COL4A2: variants seen among roughly 807,000 people sequenced by gnomAD.
COL4A2 encodes the protein collagen alpha-2(IV) chain.
Under a neutral mutation model 200.2 loss-of-function variants are expected in COL4A2, and 99 were observed. That is an observed-to-expected ratio of 0.49 (90% CI 0.42 to 0.58). COL4A2 has a LOEUF of 0.58. Ranked by LOEUF, COL4A2 falls within the 20% of genes least tolerant of loss-of-function variation. COL4A2 has a pLI of 0.00. For synonymous variants in COL4A2, 897 were observed against 900.6 expected (o/e 1.00, Z 0.07); for missense variants, 1,950 against 2,314.1 (o/e 0.84, Z 3.23).
intron 3 of COL4A2, among the ~76,000 whole-genome samples, chr13:110,316,818 G>T (rs992198552): frequency 6.6e-6 from 1 of 152,098 alleles, no homozygotes; most frequent in Admixed American, 6.5e-5. Flanking sequence ...TTAACCACTG[G>T]CTAGGTGAAT....
intron 4 of COL4A2, among the ~76,000 whole-genome samples, chr13:110,371,218 G>A (rs1393356254): frequency 1.3e-5 from 2 of 152,138 alleles, no homozygotes; most frequent in Non-Finnish European, 2.9e-5. Context: ...AGTAAGAGAA[G>A]CCTCTGGAAT....
At chr13:110,456,707 C>T in intron 20 of COL4A2, 1 of 469,424 alleles carries the variant, frequency 2.1e-6, no homozygotes, top group South Asian at 1.6e-5. Context: ...GGGTGGGACA[C>T]CAGGCGTCTC....
chr13:110,429,616 C>T (rs1352613823), intron 7 of COL4A2, among the ~76,000 whole-genome samples: 1 of 152,062 alleles, frequency 6.6e-6, no homozygotes, highest in East Asian at 1.9e-4. Context: ...GTTGACAGAG[C>T]ATTCATTTGG....
chr13:110,441,572 C>A (rs922817351), intron 16 of COL4A2, among the ~76,000 whole-genome samples: 2 of 152,160 alleles, frequency 1.3e-5, no homozygotes, highest in Admixed American at 1.3e-4. Context: ...ACACCTAGAA[C>A]AAGAGCTATC....
intron 4 of COL4A2, among the ~76,000 whole-genome samples, chr13:110,424,259 CT>C (rs1187888096): frequency 5.4e-5 from 7 of 129,140 alleles, no homozygotes; most frequent in East Asian, 4.4e-4. Context: ...GTTTCAGAAG[CT>C]CTTTTTTTTC....
intron 18 of COL4A2, among the ~76,000 whole-genome samples, chr13:110,447,658 G>A (rs1184922090): frequency 6.6e-6 from 1 of 152,220 alleles, no homozygotes; most frequent in East Asian, 1.9e-4. Context: ...TGTGAGGACA[G>A]ACATTTCAGC....
At chr13:110,511,805 T>C in intron 47 of COL4A2, 129 bp from the exon 48 acceptor site, 1 of 1,459,902 alleles carries the variant, frequency 6.8e-7, no homozygotes, top group East Asian at 2.4e-5. Flanking sequence ...CGAGGATGCC[T>C]CATGTCCGTA....
intron 3 of COL4A2, among the ~76,000 whole-genome samples, chr13:110,351,419 C>A (rs957705882): frequency 6.6e-6 from 1 of 152,176 alleles, no homozygotes; most frequent in African/African-American, 2.4e-5. Flanking sequence ...CTACCCTGCT[C>A]CTCCCTTGCC....
chr13:110,480,321 G>A lies in COL4A2; in HGVS notation c.2689G>A (p.Glu897Lys). The A allele has an allele frequency of 6.2e-7, 1 of 1,614,008 alleles. No individual in the cohort carries two copies. Among genetic ancestry groups the A allele is most frequent in the Non-Finnish European group, 8.5e-7 (1 of 1,179,932 alleles). Reference protein sequence around the residue: ...GDRGDAGFTGEQGHPGSPGFK... With the variant: ...GDRGDAGFTGKQGHPGSPGFK... Reference sequence around the variant, plus strand: ...CAGAGGAGATGCTGGCTTCACAGGGGAGCAAGGCCATCCAGGAAGCCCTGG... The same window carrying A: ...CAGAGGAGATGCTGGCTTCACAGGGAAGCAAGGCCATCCAGGAAGCCCTGG... Residue 897 changes from glutamate (E) to lysine (K), a missense_variant, in exon 31 of 48, where the codon GAG (glutamate) becomes AAG (lysine). Physicochemically the swap from Glu to Lys is moderately conservative, Grantham distance 56. Transcript: ENST00000360467.
intron 16 of COL4A2, among the ~76,000 whole-genome samples, chr13:110,440,979 G>A (rs936204006): frequency 2.0e-5 from 3 of 152,230 alleles, no homozygotes; most frequent in Non-Finnish European, 4.4e-5. Flanking sequence ...CTTTAAAGCT[G>A]CAGAGAATGG....
At chr13:110,380,071 C>T (rs997775902) in intron 4 of COL4A2, among the ~76,000 whole-genome samples, 2 of 152,182 alleles carry the variant, frequency 1.3e-5, no homozygotes, top group African/African-American at 4.8e-5. Flanking sequence ...CCACTCAAAC[C>T]GTCCCCACAC....
In COL4A2 at chr13:110,462,272, T is replaced by C; in HGVS notation, c.1670-6T>C. On this transcript the variant is annotated splice_region_variant and splice_polypyrimidine_tract_variant and intron_variant, in intron 23 of 47. Transcript: ENST00000360467. ...TGGGCAGCTTCACATGCAAATCCCT[T>C]TCTAGGTGAGCGGGGACAGCCCGGC... 1 of 1,614,202 alleles carries C rather than the reference T, an allele frequency of 6.2e-7. No homozygotes were observed. The highest frequency in any genetic ancestry group is 1.3e-5 in the African/African-American group (1 of 75,058).
chr13:110,424,614 C>T, intron 4 of COL4A2, 120 bp from the exon 5 acceptor site: 1 of 597,182 alleles, frequency 1.7e-6, no homozygotes, highest in Non-Finnish European at 2.9e-6. Context: ...ATATAATGTT[C>T]CCTGTAGATT....
At chr13:110,368,938 G>A (rs1238076577) in intron 4 of COL4A2, among the ~76,000 whole-genome samples, 1 of 152,114 alleles carries the variant, frequency 6.6e-6, no homozygotes, top group Non-Finnish European at 1.5e-5. Context: ...GCCAGGCGCG[G>A]TGGCTCGCAC....
chr13:110,381,181 A>G (rs1372269948), intron 4 of COL4A2, among the ~76,000 whole-genome samples: 2 of 145,406 alleles, frequency 1.4e-5, no homozygotes, highest in Non-Finnish European at 3.0e-5. Context: ...TCTATCTCAC[A>G]TCCTCGGTCT....
Position 110,512,499 on chromosome 13 carries a change from T to C in COL4A2, c.*308T>C, listed in dbSNP as rs969199323. The C allele has an allele frequency of 2.7e-6, 1 of 377,044 alleles. No individual in the cohort carries two copies. Among genetic ancestry groups the C allele is most frequent in the East Asian group, 5.7e-5 (1 of 17,394 alleles). 23.4% of individuals were successfully genotyped at this position (377,044 alleles called of 1,614,324 possible). ...ACACACCCATGTAACCACTGCACTT[T>C]CCAATGCCACAGACAACTCACATTG... On this transcript the variant is annotated 3_prime_UTR_variant, in exon 48 of 48. Coordinates refer to ENST00000360467, the MANE Select transcript of COL4A2 (RefSeq NM_001846.4).
At chr13:110,392,351 T>C (rs1392333740) in intron 4 of COL4A2, among the ~76,000 whole-genome samples, 1 of 152,196 alleles carries the variant, frequency 6.6e-6, no homozygotes, top group Non-Finnish European at 1.5e-5. Flanking sequence ...GGAGGAGGAC[T>C]GGGTATTTAT....
intron 3 of COL4A2, among the ~76,000 whole-genome samples, chr13:110,325,098 C>T (rs191418600): frequency 7.2e-5 from 11 of 152,304 alleles, no homozygotes; most frequent in East Asian, 3.9e-4. Context: ...AAAACGTCTG[C>T]GTCCCCACAA....
intron 31 of COL4A2, 90 bp downstream of exon 31, chr13:110,480,480 T>G: frequency 7.4e-7 from 1 of 1,359,020 alleles, no homozygotes; most frequent in Non-Finnish European, 9.8e-7. Flanking sequence ...GGCGCCTCTG[T>G]GGGCCGTGGG....
Sources: allele counts gnomAD v4.1 joint callset (sites outside exome capture counted in the v4.1 genomes callset), GRCh38; gene constraint gnomAD v4.1.1; transcripts MANE v1.5; gene names NCBI Gene and HGNC (gene_info 2026-07-23, HGNC 2026-07-21).